The following KCNMB2 variants were observed in gnomAD, a reference collection of about 807,000 sequenced individuals.
KCNMB2 encodes the protein potassium calcium-activated channel subfamily M regulatory beta subunit 2, also known as calcium-activated potassium channel subunit beta-2.
Under a neutral mutation model 24.5 loss-of-function variants are expected in KCNMB2, and 9 were observed. That is an observed-to-expected ratio of 0.37 (90% CI 0.22 to 0.64). The LOEUF (loss-of-function observed/expected upper bound fraction) is 0.64, where lower values mean the gene tolerates loss of function less well. KCNMB2 is among the 30% of genes least tolerant of loss of function. The probability of loss-of-function intolerance (pLI) is 0.63; values close to 1 mark genes in which losing one functional copy is unlikely to be tolerated. For missense variants in KCNMB2, 226 were observed against 284.3 expected, an observed-to-expected ratio of 0.79 and a Z score of 1.47; for synonymous variants, 109 against 104.4, an observed-to-expected ratio of 1.04 and a Z score of -0.27.
At chr3:178,683,624 T>C (rs1721352806) in intron 1 of KCNMB2, among the ~76,000 whole-genome samples, 1 of 152,222 alleles carries the variant, frequency 6.6e-6, no homozygotes, top group Admixed American at 6.5e-5. Flanking sequence ...TCACACTAGC[T>C]ACATCTCAAG....
chr3:178,571,852 G>A (rs1716813278), intron 1 of KCNMB2, among the ~76,000 whole-genome samples: 1 of 152,048 alleles, frequency 6.6e-6, no homozygotes, highest in African/African-American at 2.4e-5. Flanking sequence ...TCCCTGCAAA[G>A]GACATGAAGT....
chr3:178,728,941 G>A (rs897478213), intron 1 of KCNMB2, among the ~76,000 whole-genome samples: 15 of 152,114 alleles, frequency 9.9e-5, no homozygotes, highest in African/African-American at 3.6e-4. Flanking sequence ...AAAGAATCAA[G>A]TGTTGGTAAG....
intron 1 of KCNMB2, among the ~76,000 whole-genome samples, chr3:178,680,770 ATCTTC>A: frequency 6.6e-6 from 1 of 152,246 alleles, no homozygotes; most frequent in South Asian, 2.1e-4. Context: ...TTGTCTTCCT[ATCTTC>A]TCTCAGCAAA....
rs149961686 is a variant in KCNMB2, at chr3:178,628,121, A to C, written c.-68+91410A>C. 2.9e-3 allele frequency among the ~76,000 whole-genome samples: 446 copies of C among 152,314 alleles called. 1 individual carries two copies. Among genetic ancestry groups the C allele is most frequent in the African/African-American group, 0.01 (420 of 41,568 alleles). On this transcript the variant is annotated intron_variant, in intron 1 of 4. Transcript: ENST00000452583. ...ACTCATAAACAAACTTCTAATTATT[A>C]TTAGAATTATCTTAGAGCTAGATTA...
At chr3:178,654,190 C>T (rs957414517) in intron 1 of KCNMB2, among the ~76,000 whole-genome samples, 2 of 151,986 alleles carry the variant, frequency 1.3e-5, no homozygotes, top group African/African-American at 4.8e-5. Flanking sequence ...GACTATTTCC[C>T]TTATTTCATT....
rs148872802 is a variant in KCNMB2, at chr3:178,622,750, G to A, written c.-68+86039G>A. ...TCTGGTGGTGTCTGCTTATCCAGGC[G>A]CCCCTGCTGACTTCACTGCCCACCT... On this transcript the variant is annotated intron_variant, in intron 1 of 4. Transcript: ENST00000452583. Among the ~76,000 whole-genome samples, 38 of 152,222 alleles carry A rather than the reference G, an allele frequency of 2.5e-4. No individual in the cohort carries two copies. The East Asian group carries it at 3.1e-3, about 12-fold the overall frequency.
At chr3:178,761,747 A>G (rs943364401) in intron 1 of KCNMB2, among the ~76,000 whole-genome samples, 2 of 152,238 alleles carry the variant, frequency 1.3e-5, no homozygotes, top group African/African-American at 4.8e-5. Flanking sequence ...CACTGAAGAA[A>G]AGCTATAAAA....
At chr3:178,662,928 T>C (rs1720587423) in intron 1 of KCNMB2, among the ~76,000 whole-genome samples, 1 of 152,174 alleles carries the variant, frequency 6.6e-6, no homozygotes, top group Non-Finnish European at 1.5e-5. Context: ...GCTACTATTA[T>C]ATACAAAACC....
chr3:178,702,378 A>G (rs1031132363), intron 1 of KCNMB2, among the ~76,000 whole-genome samples: 2 of 151,836 alleles, frequency 1.3e-5, no homozygotes, highest in Non-Finnish European at 1.5e-5. Flanking sequence ...ACATGTATAC[A>G]TATGTAACAA....
chr3:178,769,408 G>C (rs1465672123), intron 1 of KCNMB2, among the ~76,000 whole-genome samples: 3 of 152,156 alleles, frequency 2.0e-5, no homozygotes, highest in Admixed American at 1.3e-4. Context: ...GGGGTAAGAG[G>C]GGGGTGTGAT....
chr3:178,657,286 C>A (rs931037549), intron 1 of KCNMB2, among the ~76,000 whole-genome samples: 8 of 152,190 alleles, frequency 5.3e-5, no homozygotes, highest in African/African-American at 1.7e-4. Context: ...GTTTTGAATT[C>A]TTTGAAAGAT....
At chr3:178,805,420 A>G (rs1455947500) in intron 1 of KCNMB2, among the ~76,000 whole-genome samples, 1 of 152,106 alleles carries the variant, frequency 6.6e-6, no homozygotes, top group Non-Finnish European at 1.5e-5. Flanking sequence ...TAAAGATGTT[A>G]AGTGACTTTC....
At chr3:178,582,109 C>A (rs188385699) in intron 1 of KCNMB2, among the ~76,000 whole-genome samples, 3 of 152,276 alleles carry the variant, frequency 2.0e-5, no homozygotes, top group Admixed American at 2.0e-4. Context: ...TTGCTAGCAA[C>A]CCAAATGCCC....
chr3:178,749,088 T>C (rs976655699), intron 1 of KCNMB2: 3 of 152,212 alleles, frequency 2.0e-5, no homozygotes, highest in East Asian at 1.9e-4. Flanking sequence ...TTCAACAGCA[T>C]GGTCCCGAGA....
At chr3:178,829,493 A>G (rs566843653) in intron 4 of KCNMB2, among the ~76,000 whole-genome samples, 1 of 152,316 alleles carries the variant, frequency 6.6e-6, no homozygotes, top group African/African-American at 2.4e-5. Context: ...AATATTTCAG[A>G]GAATGTTGTT....
chr3:178,655,093 T>TCC (rs796723226), intron 1 of KCNMB2, among the ~76,000 whole-genome samples: 1 of 117,692 alleles, frequency 8.5e-6, no homozygotes, highest in Non-Finnish European at 1.8e-5. Context: ...ATATTAGCTC[T>TCC]CCCTCTCTCT....
intron 4 of KCNMB2, among the ~76,000 whole-genome samples, chr3:178,831,264 C>T (rs1041697306): frequency 6.6e-6 from 1 of 152,038 alleles, no homozygotes; most frequent in African/African-American, 2.4e-5. Flanking sequence ...CAAAAAATAA[C>T]AGATAATGGT....
intron 4 of KCNMB2, among the ~76,000 whole-genome samples, chr3:178,838,174 C>G (rs1715300394): frequency 6.6e-6 from 1 of 152,136 alleles, no homozygotes; most frequent in Non-Finnish European, 1.5e-5. Flanking sequence ...TTGAAGATGT[C>G]CATTTTTGAA....
intron 1 of KCNMB2, among the ~76,000 whole-genome samples, chr3:178,557,494 T>G (rs981171837): frequency 6.6e-6 from 1 of 152,162 alleles, no homozygotes; most frequent in Non-Finnish European, 1.5e-5. Context: ...TTAAAGAAAT[T>G]TAAAGCATTC....
Sources: allele counts gnomAD v4.1 joint callset (sites outside exome capture counted in the v4.1 genomes callset), GRCh38; gene constraint gnomAD v4.1.1; transcripts MANE v1.5; gene names NCBI Gene and HGNC (gene_info 2026-07-23, HGNC 2026-07-21).